Variants in NUCB2 observed in about 807,000 individuals in gnomAD.
NUCB2 encodes the protein nucleobindin 2.
Under a neutral mutation model 57.9 loss-of-function variants are expected in NUCB2, and 48 were observed. The observed-to-expected ratio is 0.83, with a 90% CI of 0.66 to 1.05. NUCB2 has a LOEUF of 1.05. Among genes scored for constraint, NUCB2 ranks in the 50% least tolerant of loss-of-function variants. The pLI is 0.00. For synonymous variants in NUCB2, 139 were observed against 152.1 expected (o/e 0.91, Z 0.64); for missense variants, 442 against 476.2 (o/e 0.93, Z 0.67).
intron 11 of NUCB2, among the ~76,000 whole-genome samples, chr11:17,327,186 G>A (rs1171409132): frequency 2.6e-5 from 4 of 152,090 alleles, no homozygotes; most frequent in South Asian, 2.1e-4. Flanking sequence ...TTAGGCTCCC[G>A]AGCAGCTGGG....
At chr11:17,291,610 G>C (rs1944963510) in intron 2 of NUCB2, among the ~76,000 whole-genome samples, 1 of 141,476 alleles carries the variant, frequency 7.1e-6, no homozygotes, top group Non-Finnish European at 1.5e-5. Flanking sequence ...TTTTGGCTTT[G>C]AAATGGCAGT....
intron 11 of NUCB2, among the ~76,000 whole-genome samples, chr11:17,324,801 T>A (rs924533145): frequency 2.4e-4 from 35 of 144,470 alleles, no homozygotes; most frequent in Non-Finnish European, 4.7e-4. Flanking sequence ...TTTATTTATT[T>A]ATTTATTTAT....
rs1231189207 is a variant in NUCB2 at position 17,282,813 on chromosome 11, T to C, written c.-131T>C. The C allele has an allele frequency of 2.6e-5, 4 of 152,092 alleles. No individual in the cohort carries two copies. The highest frequency in any genetic ancestry group is 7.2e-5 in the African/African-American group (3 of 41,416). The allele number at this position is 152,092 out of a possible 1,614,324, so 9.4% of individuals were successfully genotyped here. ...GAACGTGTTACGAGTCAGTTTTTAG[T>C]GAAAAAACATTGAGCTAGGAGCCAA... On this transcript the variant is annotated 5_prime_UTR_variant, in exon 2 of 14. Transcript: ENST00000529010.
chr11:17,312,161 A>G, intron 10 of NUCB2, 41 bp downstream of exon 10: 1 of 953,414 alleles, frequency 1.0e-6, no homozygotes, highest in South Asian at 1.6e-5. Flanking sequence ...ATTTCTATGT[A>G]TTATTTAATT....
At chr11:17,329,856 C>T (rs925349701) in intron 11 of NUCB2, among the ~76,000 whole-genome samples, 2 of 152,256 alleles carry the variant, frequency 1.3e-5, no homozygotes, top group Non-Finnish European at 2.9e-5. Flanking sequence ...ATTTCTCTTC[C>T]CACGTTCTCT....
intron 2 of NUCB2, among the ~76,000 whole-genome samples, chr11:17,344,813 T>C (rs965545003): frequency 6.6e-6 from 1 of 152,260 alleles, no homozygotes; most frequent in Non-Finnish European, 1.5e-5. Context: ...CTAGAGTGAC[T>C]GTTTCATTCT....
intron 2 of NUCB2, among the ~76,000 whole-genome samples, chr11:17,294,031 T>C (rs1487456960): frequency 6.6e-6 from 1 of 152,210 alleles, no homozygotes; most frequent in Non-Finnish European, 1.5e-5. Flanking sequence ...TTTAAAACAT[T>C]TTATGCCTTA....
chr11:17,282,762 T>C (rs1942975566), intron 1 of NUCB2, 27 bp from the exon 2 acceptor site: 1 of 152,146 alleles, frequency 6.6e-6, no homozygotes, highest in Non-Finnish European at 1.5e-5. Context: ...CTTTTATTTA[T>C]TTATTTTTAT....
At position 17,338,984 on chromosome 11, in the gene NUCB2, T is replaced by TTTA. The variant is rs1267599022; in HGVS notation, n.2626+1452_2626+1453insATT. Among the ~76,000 whole-genome samples, 5 of 146,254 alleles carry TTTA rather than the reference T, an allele frequency of 3.4e-5. No individual in the cohort carries two copies. The East Asian group carries it at 8.3e-4, about 24-fold the overall frequency. On this transcript the variant is annotated intron_variant and non_coding_transcript_variant, in intron 2 of 2. Coordinates refer to the NUCB2 transcript ENST00000532240. ...TGGCCTATTTTTATTTTTTATTTTATTTTATTTATTTATTTATTTTTGAGA... is the reference window on the plus strand; with the variant it reads ...TGGCCTATTTTTATTTTTTATTTTATTTATTTATTTATTTATTTATTTTTGAGA...
intron 8 of NUCB2, among the ~76,000 whole-genome samples, chr11:17,311,656 C>T (rs560936118): frequency 5.3e-5 from 8 of 152,250 alleles, no homozygotes; most frequent in South Asian, 2.1e-4. Context: ...GGTCAAGATA[C>T]GCTTTCCTTA....
At chr11:17,328,854 C>T (rs1951022442) in intron 11 of NUCB2, among the ~76,000 whole-genome samples, 1 of 152,114 alleles carries the variant, frequency 6.6e-6, no homozygotes, top group Non-Finnish European at 1.5e-5. Flanking sequence ...TTTCCCTCTG[C>T]TTTCCTCAAA....
At chr11:17,318,826 G>C (rs1949643433) in intron 11 of NUCB2, among the ~76,000 whole-genome samples, 1 of 152,140 alleles carries the variant, frequency 6.6e-6, no homozygotes, top group Non-Finnish European at 1.5e-5. Context: ...TTGCAAAATT[G>C]CTTTTCAAAA....
chr11:17,324,936 G>A (rs967653015), intron 11 of NUCB2, among the ~76,000 whole-genome samples: 3 of 151,998 alleles, frequency 2.0e-5, no homozygotes, highest in African/African-American at 7.2e-5. Context: ...TGAGTAGCTG[G>A]GATTACAGAT....
At chr11:17,320,329 A>T (rs1284953817) in intron 11 of NUCB2, among the ~76,000 whole-genome samples, 3 of 152,212 alleles carry the variant, frequency 2.0e-5, no homozygotes, top group Non-Finnish European at 2.9e-5. Context: ...GTTTCAGAAT[A>T]CTAATCCATG....
Position 17,330,786 on chromosome 11 carries a change from T to A in NUCB2, c.1174-116T>A. 1 of 735,616 alleles carries A rather than the reference T, an allele frequency of 1.4e-6. No individual in the cohort carries two copies. The allele number at this position is 735,616 out of a possible 1,614,324, so 45.6% of individuals were successfully genotyped here. A position where few individuals can be genotyped will look rare whatever the true frequency, so the allele number is the denominator to read the frequency against. ...ACCTAGTCAAATCTAAATCTTATAGTTTGAATATCTTTGTTTTAGAAAACA... is the reference window on the plus strand; with the variant it reads ...ACCTAGTCAAATCTAAATCTTATAGATTGAATATCTTTGTTTTAGAAAACA... On this transcript the variant is annotated intron_variant, in intron 12 of 13. Coordinates refer to ENST00000529010, the MANE Select transcript of NUCB2 (RefSeq NM_005013.4). The surrounding 1 kb of genome is among the most constrained non-coding windows in gnomAD (Gnocchi z 4.3).
intron 2 of NUCB2, among the ~76,000 whole-genome samples, chr11:17,289,336 G>A (rs1252710452): frequency 2.0e-5 from 3 of 152,080 alleles, no homozygotes; most frequent in East Asian, 3.9e-4. Flanking sequence ...TGGTGCTGGT[G>A]CTTTCTTCAT....
At chr11:17,340,555 G>C (rs922918682) in intron 2 of NUCB2, among the ~76,000 whole-genome samples, 3 of 151,976 alleles carry the variant, frequency 2.0e-5, no homozygotes, top group African/African-American at 7.3e-5. Context: ...TCCAGTTTCA[G>C]CTTTCTACAT....
chr11:17,288,904 C>T (rs1182222972), intron 2 of NUCB2, among the ~76,000 whole-genome samples: 1 of 68,134 alleles, frequency 1.5e-5, no homozygotes, highest in Non-Finnish European at 2.5e-5. Context: ...CACACACACA[C>T]ACACACACAC....
At chr11:17,334,441 C>T (rs1194930056), downstream of NUCB2, 1 of 152,274 alleles carries the variant, frequency 6.6e-6, no homozygotes, top group East Asian at 1.9e-4. Context: ...CTCTTCCTGC[C>T]TCTGTCCCCA....
Sources: allele counts gnomAD v4.1 joint callset (sites outside exome capture counted in the v4.1 genomes callset), GRCh38; gene constraint gnomAD v4.1.1; non-coding constraint Gnocchi (gnomAD v3.1); transcripts MANE v1.5; gene names NCBI Gene and HGNC (gene_info 2026-07-23, HGNC 2026-07-21).